The following CAMK1D variants were observed in gnomAD, a reference collection of about 807,000 sequenced individuals.
CAMK1D encodes calcium/calmodulin-dependent protein kinase type 1D.
CAMK1D carries 9 observed loss-of-function variants against 47.7 expected under a neutral mutation model. The observed-to-expected ratio is 0.19, with a 90% CI of 0.11 to 0.33. CAMK1D has a LOEUF of 0.33. Among genes scored for constraint, CAMK1D ranks in the 10% least tolerant of loss-of-function variants. The pLI, the probability that CAMK1D is intolerant of heterozygous loss-of-function variation, is 1.00. For synonymous variants in CAMK1D, 184 were observed against 184.9 expected, an observed-to-expected ratio of 0.99 and a Z score of 0.04; for missense variants, 291 against 488.7, an observed-to-expected ratio of 0.60 and a Z score of 3.81.
At chr10:12,622,659 G>T (rs1839035056) in intron 2 of CAMK1D, among the ~76,000 whole-genome samples, 1 of 152,102 alleles carries the variant, frequency 6.6e-6, no homozygotes, top group Non-Finnish European at 1.5e-5. Context: ...TAGCACCCAG[G>T]TCCTTGTCCT....
chr10:12,434,361 A>G (rs888928589), intron 1 of CAMK1D, among the ~76,000 whole-genome samples: 1 of 152,144 alleles, frequency 6.6e-6, no homozygotes, highest in Non-Finnish European at 1.5e-5. Flanking sequence ...AGTGCCCTTC[A>G]GCGCTTGAGA....
chr10:12,611,961 A>T (rs1364744887), intron 2 of CAMK1D, among the ~76,000 whole-genome samples: 1 of 152,170 alleles, frequency 6.6e-6, no homozygotes, highest in Non-Finnish European at 1.5e-5. Flanking sequence ...CCACTTCATG[A>T]AGCATTTCAT....
intron 6 of CAMK1D, among the ~76,000 whole-genome samples, chr10:12,811,325 A>C (rs1442224906): frequency 6.6e-6 from 1 of 152,074 alleles, no homozygotes; most frequent in Non-Finnish European, 1.5e-5. Context: ...GTATCAAGTT[A>C]AACAGCCCAA....
At chr10:12,675,178 A>G (rs1329101180) in intron 3 of CAMK1D, among the ~76,000 whole-genome samples, 1 of 152,182 alleles carries the variant, frequency 6.6e-6, no homozygotes, top group Non-Finnish European at 1.5e-5. Context: ...AATCAGAAAT[A>G]TTTTTAAAAA....
intron 3 of CAMK1D, among the ~76,000 whole-genome samples, chr10:12,692,221 A>T (rs1832956956): frequency 6.6e-6 from 1 of 152,204 alleles, no homozygotes. Context: ...CCTATTGAAT[A>T]ATCTGGTCAT....
At chr10:12,560,050 G>A (rs1836887704) in intron 2 of CAMK1D, among the ~76,000 whole-genome samples, 1 of 152,136 alleles carries the variant, frequency 6.6e-6, no homozygotes, top group Non-Finnish European at 1.5e-5. Context: ...CAGAGGGAGG[G>A]CAGCTTCTGC....
In CAMK1D at chr10:12,416,773, G is replaced by A. The variant is rs891807409; in HGVS notation, c.92+66863G>A. On this transcript the variant is annotated intron_variant, in intron 1 of 10. Coordinates refer to ENST00000619168, the MANE Select transcript of CAMK1D (RefSeq NM_153498.4). ...AGAGTGAAGTTCTGTTTTTCCGGTG[G>A]GTTCTGCCCTTTCCTTATCAGTTCA... Among the ~76,000 whole-genome samples, 6 of 152,306 alleles carry A rather than the reference G, an allele frequency of 3.9e-5. No individual in the cohort carries two copies. The South Asian group carries it at 1.0e-3, about 26-fold the overall frequency.
At chr10:12,548,842 A>G (rs1006825291) in intron 1 of CAMK1D, among the ~76,000 whole-genome samples, 4 of 151,752 alleles carry the variant, frequency 2.6e-5, no homozygotes, top group Non-Finnish European at 5.9e-5. Context: ...AACCCCATGC[A>G]TCTCCAGAAA....
intron 2 of CAMK1D, among the ~76,000 whole-genome samples, chr10:12,604,291 A>G (rs1164844894): frequency 6.6e-6 from 1 of 152,190 alleles, no homozygotes; most frequent in African/African-American, 2.4e-5. Flanking sequence ...GGGTTGCGCA[A>G]ACAATTCAGG....
At chr10:12,453,783 T>C (rs557422120) in intron 1 of CAMK1D, among the ~76,000 whole-genome samples, 1 of 152,368 alleles carries the variant, frequency 6.6e-6, no homozygotes, top group East Asian at 1.9e-4. Context: ...ACAACTAGGA[T>C]ACATTTTATC....
intron 2 of CAMK1D, among the ~76,000 whole-genome samples, chr10:12,651,550 C>G (rs1839965157): frequency 6.6e-6 from 1 of 151,904 alleles, no homozygotes; most frequent in Admixed American, 6.6e-5. Flanking sequence ...TGCCACCACA[C>G]CCAGCTAATT....
chr10:12,796,612 G>A (rs12257527), intron 6 of CAMK1D, among the ~76,000 whole-genome samples: 15,877 of 152,058 alleles, frequency 0.1, 1,307 homozygotes, highest in African/African-American at 0.23. Flanking sequence ...AGAATGCAGC[G>A]TGGTCACCGA....
chr10:12,608,442 G>T (rs1183762245), intron 2 of CAMK1D, among the ~76,000 whole-genome samples: 1 of 152,126 alleles, frequency 6.6e-6, no homozygotes, highest in African/African-American at 2.4e-5. Context: ...ACATATTTAT[G>T]TGGTTTAAAG....
intron 5 of CAMK1D, among the ~76,000 whole-genome samples, chr10:12,770,408 G>C (rs1360119186): frequency 6.6e-6 from 1 of 150,394 alleles, no homozygotes; most frequent in African/African-American, 2.4e-5. Context: ...TTGACTTCCG[G>C]GGTCCTGGAG....
chr10:12,734,509 C>CATATAT (rs1172658261), intron 3 of CAMK1D, among the ~76,000 whole-genome samples: 15 of 140,574 alleles, frequency 1.1e-4, no homozygotes, highest in African/African-American at 4.2e-4. Context: ...TACACACACA[C>CATATAT]ATATATATAC....
At chr10:12,378,958 TACC>T (rs1838265593) in intron 1 of CAMK1D, among the ~76,000 whole-genome samples, 1 of 151,926 alleles carries the variant, frequency 6.6e-6, no homozygotes, top group South Asian at 2.1e-4. Context: ...TACAGGCACA[TACC>T]AGCATGCCCG....
intron 2 of CAMK1D, among the ~76,000 whole-genome samples, chr10:12,627,321 G>A (rs1163545034): frequency 2.0e-5 from 3 of 151,740 alleles, no homozygotes; most frequent in Non-Finnish European, 4.4e-5. Context: ...CCCTGACCTC[G>A]TGATCTGCCC....
intron 3 of CAMK1D, among the ~76,000 whole-genome samples, chr10:12,719,857 A>C (rs767995433): frequency 2.0e-5 from 3 of 152,228 alleles, no homozygotes; most frequent in Non-Finnish European, 4.4e-5. Context: ...CAGCCTTTAG[A>C]TTCCAGTCCT....
chr10:12,378,596 A>T (rs1469986966), intron 1 of CAMK1D, among the ~76,000 whole-genome samples: 1 of 150,660 alleles, frequency 6.6e-6, no homozygotes, highest in Non-Finnish European at 1.5e-5. Flanking sequence ...ACTGGGTCCC[A>T]CAAATCAGGT....
Sources: allele counts gnomAD v4.1 joint callset (sites outside exome capture counted in the v4.1 genomes callset), GRCh38; gene constraint gnomAD v4.1.1; transcripts MANE v1.5; gene names NCBI Gene and HGNC (gene_info 2026-07-23, HGNC 2026-07-21).